Variants in STXBP5L observed in about 807,000 individuals in gnomAD.
The protein encoded by STXBP5L is syntaxin-binding protein 5-like.
Under a neutral mutation model 144.5 loss-of-function variants are expected in STXBP5L, and 65 were observed. The ratio of observed to expected loss-of-function variants is 0.45; its 90% CI spans 0.37 to 0.55. The LOEUF (loss-of-function observed/expected upper bound fraction) is 0.55. Among genes scored for constraint, STXBP5L ranks in the 20% least tolerant of loss-of-function variants. The pLI is 0.00. For missense variants in STXBP5L, 1,298 were observed against 1,405.5 expected (o/e 0.92, Z 1.22); for synonymous variants, 505 against 469.6 (o/e 1.08, Z -0.97).
intron 3 of STXBP5L, among the ~76,000 whole-genome samples, chr3:120,993,979 G>C (rs1943138313): frequency 6.6e-6 from 1 of 151,948 alleles, no homozygotes; most frequent in African/African-American, 2.4e-5. Flanking sequence ...TCTTTCATCA[G>C]TGTTTTGTAG....
intron 2 of STXBP5L, among the ~76,000 whole-genome samples, chr3:120,943,337 A>T (rs1235587586): frequency 6.6e-6 from 1 of 151,788 alleles, no homozygotes; most frequent in African/African-American, 2.4e-5. Flanking sequence ...CATTTATATG[A>T]TGAAGAATAT....
chr3:121,401,754 G>A (rs2046879457), intron 22 of STXBP5L, among the ~76,000 whole-genome samples: 1 of 87,172 alleles, frequency 1.1e-5, no homozygotes, highest in Non-Finnish European at 2.5e-5. Context: ...TGGGGTCGGG[G>A]GAGGGGGGAG....
intron 3 of STXBP5L, among the ~76,000 whole-genome samples, chr3:120,989,317 A>C (rs1242595198): frequency 1.3e-5 from 2 of 152,130 alleles, no homozygotes; most frequent in African/African-American, 4.8e-5. Flanking sequence ...ACTTTTAAAT[A>C]ATAGCCATTC....
chr3:120,983,832 G>A (rs1266806274), intron 3 of STXBP5L, among the ~76,000 whole-genome samples: 1 of 152,130 alleles, frequency 6.6e-6, no homozygotes. Context: ...TTGAATTCCA[G>A]TGTTCTCTCT....
intron 5 of STXBP5L, among the ~76,000 whole-genome samples, chr3:121,047,015 C>T (rs1947564117): frequency 1.3e-5 from 2 of 152,062 alleles, no homozygotes; most frequent in Non-Finnish European, 2.9e-5. Context: ...CCTCTTAGCA[C>T]TACTTTAGCT....
chr3:121,356,954 CA>C (rs756808662), intron 20 of STXBP5L: 31 of 159,594 alleles, frequency 1.9e-4, no homozygotes, highest in Non-Finnish European at 3.3e-4. Flanking sequence ...AGGAGTGCCT[CA>C]ATCCCAGCTT....
At chr3:121,234,823 C>CA (rs1559891324) in intron 12 of STXBP5L, among the ~76,000 whole-genome samples, 5 of 151,872 alleles carry the variant, frequency 3.3e-5, no homozygotes, top group African/African-American at 1.2e-4. Flanking sequence ...TATGCTTATT[C>CA]TTCTAAGAAG....
chr3:121,217,670 T>A (rs1038401594), intron 10 of STXBP5L, among the ~76,000 whole-genome samples: 1 of 152,174 alleles, frequency 6.6e-6, no homozygotes, highest in Non-Finnish European at 1.5e-5. Flanking sequence ...CATATATTTT[T>A]AAAAATCTTT....
chr3:120,930,174 T>G (rs1024252905), intron 2 of STXBP5L, among the ~76,000 whole-genome samples: 4 of 151,610 alleles, frequency 2.6e-5, no homozygotes, highest in African/African-American at 9.7e-5. Context: ...CTTTTTTTTT[T>G]TTTTTATGAG....
chr3:121,304,866 G>A (rs554603297), intron 19 of STXBP5L, among the ~76,000 whole-genome samples: 3 of 151,698 alleles, frequency 2.0e-5, no homozygotes, highest in Admixed American at 6.6e-5. Flanking sequence ...AAAAATGAAC[G>A]AAATAGAGGT....
intron 20 of STXBP5L, among the ~76,000 whole-genome samples, chr3:121,366,208 G>A (rs1269214636): frequency 2.0e-5 from 3 of 151,872 alleles, no homozygotes; most frequent in Non-Finnish European, 4.4e-5. Context: ...GATGTCTCAT[G>A]TGCACTTGAA....
At chr3:121,316,071 T>A (rs928656516) in intron 19 of STXBP5L, among the ~76,000 whole-genome samples, 1 of 152,100 alleles carries the variant, frequency 6.6e-6, no homozygotes, top group African/African-American at 2.4e-5. Flanking sequence ...TCTCCATCAC[T>A]TTTCTGTATC....
intron 10 of STXBP5L, among the ~76,000 whole-genome samples, chr3:121,209,509 T>C (rs1267993139): frequency 6.6e-6 from 1 of 152,170 alleles, no homozygotes; most frequent in Non-Finnish European, 1.5e-5. Flanking sequence ...TGTATACATG[T>C]GCCATGTTGG....
intron 5 of STXBP5L, among the ~76,000 whole-genome samples, chr3:121,106,269 G>A (rs561427105): frequency 1.2e-4 from 19 of 152,166 alleles, no homozygotes; most frequent in African/African-American, 4.3e-4. Flanking sequence ...TTAAAGTTCT[G>A]GGATACATGT....
At chr3:121,232,048 A>G (rs567155444) in intron 11 of STXBP5L, among the ~76,000 whole-genome samples, 1 of 152,290 alleles carries the variant, frequency 6.6e-6, no homozygotes, top group Admixed American at 6.5e-5. Context: ...TAATTTACTC[A>G]GTCTAGTTGA....
chr3:120,968,986 T>C (rs1294252944), intron 3 of STXBP5L, among the ~76,000 whole-genome samples: 2 of 152,144 alleles, frequency 1.3e-5, no homozygotes, highest in Non-Finnish European at 2.9e-5. Flanking sequence ...CAATTGTGAA[T>C]TGTGCCACCA....
At position 121,206,990 on chromosome 3, in the gene STXBP5L, A is replaced by T. The variant is rs192533820; in HGVS notation, c.956+989A>T. Among the ~76,000 whole-genome samples the T allele has an allele frequency of 2.0e-5, 3 of 152,312 alleles. No individual in the cohort carries two copies. The East Asian group carries it at 5.8e-4, about 29-fold the overall frequency. On this transcript the variant is annotated intron_variant, in intron 10 of 26. Coordinates refer to ENST00000471454, the MANE Select transcript of STXBP5L (RefSeq NM_001308330.2). ...TATATTAATAATATGAACATTTTATAATGTTTTCTTGGTATCATAGGTATA... is the reference window on the plus strand; with the variant it reads ...TATATTAATAATATGAACATTTTATTATGTTTTCTTGGTATCATAGGTATA...
Position 121,257,308 on chromosome 3 carries a change from A to C in STXBP5L, c.1807A>C (p.Thr603Pro). ...STNTVASEGV[T>P]KDSIPCLNVK... ...TAACACTGTTGCTAGTGAAGGAGTA[A>C]CAAAGGACAGTATTCCATGCCTCAA... Residue 603 changes from threonine (T) to proline (P), a missense_variant, in exon 17 of 27, where the codon ACA (threonine) becomes CCA (proline). Transcript: ENST00000471454. The C allele has an allele frequency of 6.2e-7, 1 of 1,613,222 alleles. No homozygotes were observed. Among genetic ancestry groups the C allele is most frequent in the Non-Finnish European group, 8.5e-7 (1 of 1,179,456 alleles).
At chr3:120,915,336 A>G (rs1243573102) in intron 2 of STXBP5L, among the ~76,000 whole-genome samples, 1 of 152,128 alleles carries the variant, frequency 6.6e-6, no homozygotes, top group Non-Finnish European at 1.5e-5. Flanking sequence ...GATTAAGTTC[A>G]TATTTACTTT....
Sources: allele counts gnomAD v4.1 joint callset (sites outside exome capture counted in the v4.1 genomes callset), GRCh38; gene constraint gnomAD v4.1.1; transcripts MANE v1.5; gene names NCBI Gene and HGNC (gene_info 2026-07-23, HGNC 2026-07-21).